Variants in ZNF28 observed in about 807,000 individuals in gnomAD.
ZNF28 encodes the protein zinc finger protein 28, also known as zinc finger protein KOX24.
Under a neutral mutation model 7.2 loss-of-function variants are expected in ZNF28, and 5 were observed. That is an observed-to-expected ratio of 0.70 (90% CI 0.36 to 1.46). The LOEUF (loss-of-function observed/expected upper bound fraction) is 1.46. ZNF28 is among the 40% of genes most tolerant of loss of function. The pLI, the probability that ZNF28 is intolerant of heterozygous loss-of-function variation, is 0.03. For missense variants in ZNF28, 879 were observed against 866.6 expected (o/e 1.01, Z -0.18); for synonymous variants, 288 against 292.4 (o/e 0.99, Z 0.15).
Position 52,800,007 on chromosome 19 carries a change from C to T in ZNF28, c.1838G>A (p.Gly613Asp), listed in dbSNP as rs753411615. ...GEKPYKCNEC[G>D]KTFRQTSSLI... ...CGATGATGTCTGACGGAAGGTCTTG[C>T]CACACTCATTACACTTGTAAGGTTT... Residue 613 changes from glycine to aspartate, a missense_variant, in exon 4 of 4, where the codon GGC becomes GAC. Physicochemically the swap from Gly to Asp is moderately conservative, Grantham distance 94. Transcript: ENST00000457749. 2.5e-6 allele frequency: 4 copies of T among 1,614,024 alleles called. No homozygotes were observed. In the East Asian group the frequency reaches 8.9e-5, roughly 36 times the overall value.
At position 52,800,310 on chromosome 19, in the gene ZNF28, TC is replaced by T. The variant is rs754419785; in HGVS notation, c.1534del (p.Glu512AsnfsTer112). 1 of 1,607,646 alleles carries T rather than the reference TC, an allele frequency of 6.2e-7. No individual in the cohort carries two copies. The highest frequency in any genetic ancestry group is 1.1e-5 in the South Asian group (1 of 90,558). On this transcript the variant is annotated frameshift_variant, in exon 4 of 4. Transcript: ENST00000457749. LOFTEE classifies it low-confidence loss of function (END_TRUNC). ...KAFRSDSCLT[E>X]HQRVHTGEKP... The stretch of plus-strand genomic sequence containing the variant: ...CTCTCCAGTATGAACTCTCTGATGT[TC>T]TGTAAGGCATGAATCACTCCGGAAA...
chr19:52,817,557 G>A (rs1047526960), intron 2 of ZNF28, among the ~76,000 whole-genome samples: 22 of 151,952 alleles, frequency 1.4e-4, no homozygotes, highest in Non-Finnish European at 2.4e-4. Flanking sequence ...AATTGACCAC[G>A]TACTTTGTGC....
At chr19:52,811,742 C>T (rs2063045782) in intron 2 of ZNF28, among the ~76,000 whole-genome samples, 1 of 149,634 alleles carries the variant, frequency 6.7e-6, no homozygotes, top group Admixed American at 6.6e-5. Context: ...CCGGCAGCCG[C>T]CCCGTCCGGG....
intron 2 of ZNF28, among the ~76,000 whole-genome samples, chr19:52,811,308 C>T (rs1220035576): frequency 1.3e-5 from 2 of 150,782 alleles, no homozygotes; most frequent in African/African-American, 5.0e-5. Context: ...TCTGCCCGGC[C>T]GCCACCCCGT....
At chr19:52,806,412 T>C (rs1275963670) in intron 3 of ZNF28, among the ~76,000 whole-genome samples, 6 of 152,092 alleles carry the variant, frequency 3.9e-5, no homozygotes. Context: ...CAGGCTAGTT[T>C]TGAACTCCTG....
chr19:52,813,267 A>AAAAAAAAAAAAAAC, intron 2 of ZNF28, among the ~76,000 whole-genome samples: 1 of 149,068 alleles, frequency 6.7e-6, no homozygotes, highest in Non-Finnish European at 1.5e-5. Context: ...AAAAAAAAAA[A>AAAAAAAAAAAAAAC]AAAAGACATA....
At chr19:52,820,352 C>A (rs1401043277) in intron 1 of ZNF28, among the ~76,000 whole-genome samples, 1 of 137,720 alleles carries the variant, frequency 7.3e-6, no homozygotes. Context: ...CTCCTGACCT[C>A]ATGATCCACC....
In ZNF28 at chr19:52,801,319, T is replaced by C. The variant is rs781711135; in HGVS notation, c.526A>G (p.Thr176Ala). The C allele has an allele frequency of 5.0e-6, 8 of 1,614,066 alleles. No individual in the cohort carries two copies. In the Admixed American group the frequency reaches 8.3e-5, roughly 17 times the overall value. ...KSINNASSVS[T>A]SQRICCRPKT... ...GGCCTACAACAAATTCTTTGGGATG[T>C]TGAAACTGAGGAAGCATTGTTGATA... is the stretch of plus-strand genomic sequence containing the variant. Residue 176 changes from threonine to alanine, a missense_variant, in exon 4 of 4, where the codon ACA becomes GCA. By Grantham distance (58) the Thr-to-Ala change is moderately conservative. This residue lies in a region of ZNF28 where 864 missense variants were observed against 830.2 expected (regional missense o/e 1.04). Transcript: ENST00000457749.
chr19:52,804,357 ATGATTCTCCTACCTCAAG>A (rs1012481181), intron 3 of ZNF28, among the ~76,000 whole-genome samples: 1 of 152,058 alleles, frequency 6.6e-6, no homozygotes, highest in African/African-American at 2.4e-5. Context: ...GTGTAGTGGC[ATGATTCTCCTACCTCAAG>A]TGATTCTCCC....
rs546133816 is a variant in ZNF28, at chr19:52,819,653, G to A, written c.-73-1622C>T. Among the ~76,000 whole-genome samples the A allele has an allele frequency of 8.0e-5, 11 of 137,342 alleles. 1 individual carries two copies. The highest frequency in any genetic ancestry group is 6.1e-4 in the East Asian group (3 of 4,922). 90.1% of individuals were successfully genotyped at this position (137,342 alleles called of 152,430 possible). On this transcript the variant is annotated intron_variant, in intron 1 of 3. Coordinates refer to ENST00000457749, the MANE Select transcript of ZNF28 (RefSeq NM_006969.5). ...GAGAAGGTCTGAGATGAGTGAGAAGGTGTGCCTGAATTCTTACATGGGGGC... is the reference window on the plus strand; with the variant it reads ...GAGAAGGTCTGAGATGAGTGAGAAGATGTGCCTGAATTCTTACATGGGGGC...
Position 52,799,432 on chromosome 19 carries a change from A to G in ZNF28, c.*256T>C, listed in dbSNP as rs982598287. ...CCGAAAACTTTGTCACATTCTTCCT[A>G]TTTGTAAAGTTTCTCTGCAGTATGA... On this transcript the variant is annotated 3_prime_UTR_variant, in exon 4 of 4. Coordinates refer to ENST00000457749, the MANE Select transcript of ZNF28 (RefSeq NM_006969.5). The G allele has an allele frequency of 1.4e-6, 1 of 738,502 alleles. No homozygotes were observed. Among genetic ancestry groups the G allele is most frequent in the Non-Finnish European group, 2.3e-6 (1 of 438,696 alleles). 45.7% of individuals were successfully genotyped at this position (738,502 alleles called of 1,614,324 possible).
Position 52,799,004 on chromosome 19 carries a change from C to T in ZNF28, c.*684G>A, listed in dbSNP as rs191565995. On this transcript the variant is annotated 3_prime_UTR_variant, in exon 4 of 4. Coordinates refer to ENST00000457749, the MANE Select transcript of ZNF28 (RefSeq NM_006969.5). The stretch of plus-strand genomic sequence containing the variant: ...TGAATCACTCCCAAAAGCCTTGTTA[C>T]AAACCTTACATTTGTATGTTTTTTC... 1.3e-5 allele frequency: 11 copies of T among 844,154 alleles called. No homozygotes were observed. Among genetic ancestry groups the T allele is most frequent in the Middle Eastern group, 2.6e-4 (1 of 3,838 alleles). The allele number at this position is 844,154 out of a possible 1,614,324, so 52.3% of individuals were successfully genotyped here. A position where few individuals can be genotyped will look rare whatever the true frequency, so the allele number is the denominator to read the frequency against.
At chr19:52,802,740 T>C (rs974040327) in intron 3 of ZNF28, among the ~76,000 whole-genome samples, 9 of 150,600 alleles carry the variant, frequency 6.0e-5, no homozygotes, top group African/African-American at 2.2e-4. Flanking sequence ...CCTATATCCA[T>C]GTGGAACAGG....
At position 52,813,731 on chromosome 19, in the gene ZNF28, C is replaced by T. The variant is rs1398250157; in HGVS notation, c.15+4213G>A. Among the ~76,000 whole-genome samples, 7 of 145,944 alleles carry T rather than the reference C, an allele frequency of 4.8e-5. 1 individual carries two copies. Among genetic ancestry groups the T allele is most frequent in the Non-Finnish European group, 1.0e-4 (7 of 67,544 alleles). On this transcript the variant is annotated intron_variant, in intron 2 of 3. Coordinates refer to ENST00000457749, the MANE Select transcript of ZNF28 (RefSeq NM_006969.5). ...GTCTTTGTTTACAGGTTTCTGCAGC[C>T]AGAAGATCTCCGTTCCGCTCCCAGC...
Position 52,798,673 on chromosome 19 carries a change from A to G in ZNF28, c.*1015T>C. The G allele has an allele frequency of 4.6e-6, 2 of 439,178 alleles. No homozygotes were observed. The highest frequency in any genetic ancestry group is 1.3e-4 in the East Asian group (2 of 15,580). 27.2% of individuals were successfully genotyped at this position (439,178 alleles called of 1,614,324 possible). On this transcript the variant is annotated 3_prime_UTR_variant, in exon 4 of 4. Coordinates refer to ENST00000457749, the MANE Select transcript of ZNF28 (RefSeq NM_006969.5). ...AAACTTGACTGAAGACCTTGCCACA[A>G]TCATGACATTTATAAGGTTTCTCTC...
At chr19:52,814,688 C>T (rs1454729469) in intron 2 of ZNF28, among the ~76,000 whole-genome samples, 1 of 145,722 alleles carries the variant, frequency 6.9e-6, no homozygotes, top group African/African-American at 2.7e-5. Flanking sequence ...AAATGAAAAC[C>T]ATCCTGGCTA....
chr19:52,801,173 A>G lies in ZNF28; in HGVS notation c.672T>C (p.Phe224=). 1.2e-6 allele frequency: 2 copies of G among 1,614,124 alleles called. No homozygotes were observed. Among genetic ancestry groups the G allele is most frequent in the Non-Finnish European group, 1.7e-6 (2 of 1,180,006 alleles). ...SFQCIESGKS[F]NCSSLLKKHQ... ...GTTTTTTTAAAAGTGAGCTACAATT[A>G]AAGGATTTGCCACTCTCAATACATT... The change falls in exon 4 of 4, where the codon TTT becomes TTC. Residue 224 remains phenylalanine (F), a synonymous_variant. Coordinates refer to ENST00000457749, the MANE Select transcript of ZNF28 (RefSeq NM_006969.5).
intron 2 of ZNF28, chr19:52,810,111 G>T: frequency 2.5e-6 from 2 of 810,748 alleles, no homozygotes; most frequent in Non-Finnish European, 2.2e-6. Context: ...CCAAGAGGAG[G>T]GGGAGGAGCC....
intron 2 of ZNF28, among the ~76,000 whole-genome samples, chr19:52,812,118 A>G: frequency 3.5e-5 from 4 of 114,082 alleles, no homozygotes; most frequent in African/African-American, 4.7e-5. Flanking sequence ...CTGCCTGGCC[A>G]GCCGCCCCGT....
Sources: gnomAD v4.1 joint callset for allele counts (sites outside exome capture counted in the v4.1 genomes callset) on GRCh38, gnomAD v4.1.1 for gene constraint, gnomAD v4.1.1 regional missense constraint, MANE v1.5 for transcripts, NCBI Gene and HGNC (gene_info 2026-07-23, HGNC 2026-07-21) for gene names.